Variants in ARL14EPL observed in about 807,000 individuals in gnomAD.
ARL14EPL encodes the protein ARL14 effector protein-like.
Under a neutral mutation model 15.9 loss-of-function variants are expected in ARL14EPL, and 17 were observed. The observed-to-expected ratio is 1.07, with a 90% CI of 0.73 to 1.60. The LOEUF (loss-of-function observed/expected upper bound fraction) is 1.60, where lower values mean the gene tolerates loss of function less well. ARL14EPL is among the 40% of genes most tolerant of loss of function. The probability of loss-of-function intolerance (pLI) is 0.00; values close to 1 mark genes in which losing one functional copy is unlikely to be tolerated. For synonymous variants in ARL14EPL, 78 were observed against 63.8 expected (o/e 1.22, Z -1.06); for missense variants, 214 against 185.9 (o/e 1.15, Z -0.88).
rs981988957 is a variant in ARL14EPL, at chr5:116,054,050, C to T, written c.133C>T (p.Arg45Ter). 4.1e-5 allele frequency: 63 copies of T among 1,535,172 alleles called. No homozygotes were observed. Among genetic ancestry groups the T allele is most frequent in the Non-Finnish European group, 5.2e-5 (60 of 1,146,530 alleles). ...GCGGCAGTTAAAATGCTTGGCATTT[C>T]GAAACCCTGGACCACAGGTAGCAGA... ...IERQLKCLAF[R>*]NPGPQVADFN... The change falls in exon 3 of 4, where the codon CGA (arginine) becomes TGA (stop). Residue 45 changes from arginine to a stop codon, truncating the protein, a stop_gained. Transcript: ENST00000686077. LOFTEE classifies it high-confidence loss of function.
chr5:116,055,802 C>T (rs1160971973), intron 3 of ARL14EPL, among the ~76,000 whole-genome samples: 1 of 152,140 alleles, frequency 6.6e-6, no homozygotes, highest in East Asian at 1.9e-4. Context: ...CCCCACTCCC[C>T]CAACCCCACA....
intron 1 of ARL14EPL, among the ~76,000 whole-genome samples, chr5:116,048,480 ATTT>A (rs1454803111): frequency 6.6e-6 from 1 of 152,118 alleles, no homozygotes; most frequent in Non-Finnish European, 1.5e-5. Context: ...TCAGAATGTT[ATTT>A]TTAATTTTAT....
intron 2 of ARL14EPL, chr5:116,051,842 T>A (rs998891367): frequency 1.3e-5 from 14 of 1,077,422 alleles, no homozygotes; most frequent in Non-Finnish European, 1.8e-5. Context: ...CAAACGTTTT[T>A]ATTTTTATTT....
chr5:116,034,852 G>A (rs893925561), intron 1 of ARL14EPL, among the ~76,000 whole-genome samples: 2 of 152,172 alleles, frequency 1.3e-5, no homozygotes, highest in Non-Finnish European at 2.9e-5. Flanking sequence ...ACAAGTATTA[G>A]AGAAGTGAAA....
Position 116,058,783 on chromosome 5 carries a change from G to T in ARL14EPL, c.295G>T (p.Asp99Tyr), listed in dbSNP as rs1245528030. 10 of 1,535,920 alleles carry T rather than the reference G, an allele frequency of 6.5e-6. No homozygotes were observed. Among genetic ancestry groups the T allele is most frequent in the Non-Finnish European group, 8.7e-6 (10 of 1,146,904 alleles). The change falls in exon 4 of 4, where the codon GAT becomes TAT. Residue 99 changes from aspartate to tyrosine, a missense_variant. Coordinates refer to ENST00000686077, the MANE Select transcript of ARL14EPL (RefSeq NM_001195581.2). ...RLICNDADLC[D>Y]CLEKNCLGCF... ...CATCTGTAATGACGCTGATCTGTGT[G>T]ATTGTCTAGAGAAGAACTGCCTGGG...
At chr5:116,054,780 G>A (rs1241933182) in intron 3 of ARL14EPL, among the ~76,000 whole-genome samples, 2 of 152,010 alleles carry the variant, frequency 1.3e-5, no homozygotes, top group African/African-American at 2.4e-5. Flanking sequence ...GCAGTGAGCC[G>A]AAACCATGCC....
At position 116,042,338 on chromosome 5, in the gene ARL14EPL, C is replaced by G. The variant is rs576849943; in HGVS notation, c.-9-9119C>G. 5.3e-5 allele frequency among the ~76,000 whole-genome samples: 8 copies of G among 152,282 alleles called. 1 individual carries two copies. The highest frequency in any genetic ancestry group is 1.9e-4 in the African/African-American group (8 of 41,548). ...CTTTTATCATTGGCACATTGTCTGG[C>G]TCATTAAGAAGTATTTATCTGAAGG... is the stretch of plus-strand genomic sequence containing the variant. On this transcript the variant is annotated intron_variant, in intron 1 of 3. Transcript: ENST00000686077.
At chr5:116,057,764 C>G (rs1374016839) in intron 3 of ARL14EPL, among the ~76,000 whole-genome samples, 1 of 152,190 alleles carries the variant, frequency 6.6e-6, no homozygotes, top group African/African-American at 2.4e-5. Flanking sequence ...AACGATATTA[C>G]TTAGCGAACA....
chr5:116,054,909 CA>C (rs1286207086), intron 3 of ARL14EPL, among the ~76,000 whole-genome samples: 2 of 151,540 alleles, frequency 1.3e-5, no homozygotes, highest in Non-Finnish European at 2.9e-5. Context: ...AATTTAACTA[CA>C]TTAAAATTAA....
chr5:116,040,534 G>T (rs1749130720), intron 1 of ARL14EPL, among the ~76,000 whole-genome samples: 1 of 151,450 alleles, frequency 6.6e-6, no homozygotes, highest in Non-Finnish European at 1.5e-5. Flanking sequence ...CGTAGTGGAC[G>T]ATATTAGTAA....
At chr5:116,048,702 T>A (rs960800223) in intron 1 of ARL14EPL, among the ~76,000 whole-genome samples, 2 of 152,082 alleles carry the variant, frequency 1.3e-5, no homozygotes, top group African/African-American at 4.8e-5. Flanking sequence ...TCGACCAAAG[T>A]TACTGGGATC....
At chr5:116,052,519 A>T (rs1278345229) in intron 2 of ARL14EPL, among the ~76,000 whole-genome samples, 1 of 152,210 alleles carries the variant, frequency 6.6e-6, no homozygotes, top group Non-Finnish European at 1.5e-5. Flanking sequence ...AAGGCCCACC[A>T]CTAGTACGTG....
In ARL14EPL at chr5:116,042,250, T is replaced by C. The variant is rs188393711; in HGVS notation, c.-9-9207T>C. Among the ~76,000 whole-genome samples, 3 of 152,342 alleles carry C rather than the reference T, an allele frequency of 2.0e-5. No homozygotes were observed. The East Asian group carries it at 5.8e-4, about 29-fold the overall frequency. Reference sequence around the variant, plus strand: ...TGATGCACATCTTGTGCTTATTTGATTACATATCTTCTTCTTTTAGACCTT... The same window carrying C: ...TGATGCACATCTTGTGCTTATTTGACTACATATCTTCTTCTTTTAGACCTT... On this transcript the variant is annotated intron_variant, in intron 1 of 3. Transcript: ENST00000686077.
chr5:116,037,768 G>A (rs1749073892), intron 1 of ARL14EPL, among the ~76,000 whole-genome samples: 2 of 152,186 alleles, frequency 1.3e-5, no homozygotes, highest in African/African-American at 4.8e-5. Context: ...AAATGATAAA[G>A]TATAAAAAAT....
intron 1 of ARL14EPL, among the ~76,000 whole-genome samples, chr5:116,036,596 G>C (rs1350819006): frequency 6.6e-6 from 1 of 152,092 alleles, no homozygotes; most frequent in South Asian, 2.1e-4. Context: ...TCACTGTTTG[G>C]GTTTCTACTT....
At chr5:116,050,144 T>C (rs55728244) in intron 1 of ARL14EPL, among the ~76,000 whole-genome samples, 3,962 of 152,296 alleles carry the variant, frequency 0.026, 170 homozygotes, top group African/African-American at 0.091. Context: ...ATGTGAATAT[T>C]TTATTTCTTT....
At chr5:116,050,815 T>TCTCTCTCTCTC (rs1561579519) in intron 1 of ARL14EPL, among the ~76,000 whole-genome samples, 2 of 125,912 alleles carry the variant, frequency 1.6e-5, no homozygotes, top group South Asian at 2.6e-4. Flanking sequence ...TCTCTCTCTC[T>TCTCTCTCTCTC]TACACACACA....
At chr5:116,041,781 G>A (rs75789873) in intron 1 of ARL14EPL, among the ~76,000 whole-genome samples, 3,334 of 152,120 alleles carry the variant, frequency 0.022, 116 homozygotes, top group African/African-American at 0.076. Flanking sequence ...TTTTCCCCGT[G>A]CATTTTTCAG....
At chr5:116,053,367 AGAAAG>A (rs1749438878) in intron 2 of ARL14EPL, among the ~76,000 whole-genome samples, 1 of 147,636 alleles carries the variant, frequency 6.8e-6, no homozygotes, top group Admixed American at 6.8e-5. Context: ...AAAAAAGAAA[AGAAAG>A]GAAAAAAAAA....
Sources: gnomAD v4.1 joint callset for allele counts (sites outside exome capture counted in the v4.1 genomes callset) on GRCh38, gnomAD v4.1.1 for gene constraint, MANE v1.5 for transcripts, NCBI Gene and HGNC (gene_info 2026-07-23, HGNC 2026-07-21) for gene names.